The following SYNPR variants were observed in gnomAD, a reference collection of about 807,000 sequenced individuals.
The protein encoded by SYNPR is synaptoporin.
SYNPR carries 23 observed loss-of-function variants against 32.9 expected under a neutral mutation model. The observed-to-expected ratio is 0.70, with a 90% CI of 0.50 to 0.99. SYNPR has a LOEUF of 0.99. Ranked by LOEUF, SYNPR falls within the 50% of genes least tolerant of loss-of-function variation. SYNPR has a pLI of 0.00. For missense variants in SYNPR, 318 were observed against 349.3 expected (o/e 0.91, Z 0.71); for synonymous variants, 146 against 135.9 (o/e 1.07, Z -0.52).
intron 3 of SYNPR, among the ~76,000 whole-genome samples, chr3:63,495,776 C>A (rs1173425915): frequency 6.6e-6 from 1 of 151,808 alleles, no homozygotes; most frequent in Non-Finnish European, 1.5e-5. Context: ...TCAGTGGTGG[C>A]CAAAGGTTGA....
In SYNPR at chr3:63,429,867, G is replaced by A. The variant is rs79681545; in HGVS notation, c.85-50965G>A. On this transcript the variant is annotated intron_variant, in intron 2 of 5. Coordinates refer to ENST00000478300, the MANE Select transcript of SYNPR (RefSeq NM_001130003.2). ...GCTCTAAGTGTGCCTTCTTCTGACA[G>A]TTTGTTCTGTTTTACTTGGCTTCTT... Among the ~76,000 whole-genome samples the A allele has an allele frequency of 9.5e-3, 1,441 of 152,250 alleles. 20 individuals carry two copies. Among genetic ancestry groups the A allele is most frequent in the African/African-American group, 0.031 (1,308 of 41,530 alleles).
rs547649863 is a variant in SYNPR at position 63,293,214 on chromosome 3, G to A, written c.84+14472G>A. Reference sequence around the variant, plus strand: ...GTCACTTGCCTCAAGTCACATAGGTGGTAAGTGACCAAGGCAGGGTTTCAA... The same window carrying A: ...GTCACTTGCCTCAAGTCACATAGGTAGTAAGTGACCAAGGCAGGGTTTCAA... On this transcript the variant is annotated intron_variant, in intron 2 of 5. Transcript: ENST00000478300. Among the ~76,000 whole-genome samples, 15 of 152,256 alleles carry A rather than the reference G, an allele frequency of 9.9e-5. 1 individual carries two copies. Among genetic ancestry groups the A allele is most frequent in the Middle Eastern group, 3.4e-3 (1 of 292 alleles).
chr3:63,218,423 T>G, the SYNPR span, among the ~76,000 whole-genome samples: 119,713 of 152,068 alleles, frequency 0.79, 47,648 homozygotes, highest in Middle Eastern at 0.87. Flanking sequence ...TGCACCCAGT[T>G]CTCTGTATGT....
At chr3:63,481,164 C>G (rs549481159) in intron 3 of SYNPR, among the ~76,000 whole-genome samples, 2 of 146,000 alleles carry the variant, frequency 1.4e-5, no homozygotes, top group African/African-American at 2.5e-5. Flanking sequence ...CAAGACAGAA[C>G]TGACTCTCCT....
At chr3:63,338,572 A>G (rs10510895) in intron 2 of SYNPR, among the ~76,000 whole-genome samples, 32,279 of 152,168 alleles carry the variant, frequency 0.21, 3,896 homozygotes, top group South Asian at 0.39. Flanking sequence ...TTGAAATATA[A>G]GAGCCAATAG....
At chr3:63,225,694 C>G (rs539762488), upstream of SYNPR, among the ~76,000 whole-genome samples, 1 of 152,212 alleles carries the variant, frequency 6.6e-6, no homozygotes, top group African/African-American at 2.4e-5. Context: ...AACTATAAAA[C>G]TACTAGAAGA....
At chr3:63,600,299 T>C (rs1489951187) in intron 4 of SYNPR, among the ~76,000 whole-genome samples, 2 of 152,152 alleles carry the variant, frequency 1.3e-5, no homozygotes, top group African/African-American at 4.8e-5. Context: ...TCTGATCTCC[T>C]CTCTGCCCTT....
At chr3:63,235,217 G>A (rs185086869) in intron 1 of SYNPR, among the ~76,000 whole-genome samples, 1 of 152,210 alleles carries the variant, frequency 6.6e-6, no homozygotes, top group Non-Finnish European at 1.5e-5. Flanking sequence ...CATATTTCCT[G>A]TTTATAATAT....
intron 2 of SYNPR, among the ~76,000 whole-genome samples, chr3:63,359,906 C>A (rs1324075636): frequency 1.3e-5 from 2 of 152,078 alleles, no homozygotes; most frequent in Non-Finnish European, 2.9e-5. Context: ...GGGTAGCTTG[C>A]AGGTTCAATA....
the SYNPR span, among the ~76,000 whole-genome samples, chr3:63,211,202 G>A: frequency 2.8e-4 from 42 of 152,134 alleles, no homozygotes; most frequent in South Asian, 7.7e-3. Context: ...TGAGTAGCAG[G>A]GATTACAGGC....
chr3:63,382,720 G>A (rs1450444510), intron 2 of SYNPR, among the ~76,000 whole-genome samples: 1 of 152,108 alleles, frequency 6.6e-6, no homozygotes, highest in Admixed American at 6.6e-5. Context: ...CGTCTTATGT[G>A]TGTTTTATAT....
Position 63,492,083 on chromosome 3 carries a change from T to A in SYNPR, c.209+11127T>A, listed in dbSNP as rs193210761. ...AACCAAGGAAGAGATGCAGCTACTA[T>A]GAAAGATGTTCACCAAAGCAACAAG... On this transcript the variant is annotated intron_variant, in intron 3 of 5. Coordinates refer to ENST00000478300, the MANE Select transcript of SYNPR (RefSeq NM_001130003.2). Among the ~76,000 whole-genome samples, 82 of 152,224 alleles carry A rather than the reference T, an allele frequency of 5.4e-4. 1 individual carries two copies. Among genetic ancestry groups the A allele is most frequent in the African/African-American group, 1.8e-3 (75 of 41,544 alleles).
chr3:63,247,264 TG>T (rs1289998813), intron 1 of SYNPR, among the ~76,000 whole-genome samples: 2 of 151,972 alleles, frequency 1.3e-5, no homozygotes, highest in African/African-American at 2.4e-5. Context: ...ACATAAGAAA[TG>T]TTTTTTTTTT....
intron 4 of SYNPR, among the ~76,000 whole-genome samples, chr3:63,601,043 T>G (rs1019504251): frequency 6.6e-6 from 1 of 152,004 alleles, no homozygotes; most frequent in Admixed American, 6.6e-5. Flanking sequence ...GAGGCCGAGG[T>G]GGGCAGATCA....
At chr3:63,346,534 T>C (rs2087439016) in intron 2 of SYNPR, among the ~76,000 whole-genome samples, 1 of 152,096 alleles carries the variant, frequency 6.6e-6, no homozygotes, top group Non-Finnish European at 1.5e-5. Flanking sequence ...TGCAGTGGCG[T>C]GGTCTCGGCT....
At chr3:63,428,686 AG>A (rs1699933244) in intron 2 of SYNPR, among the ~76,000 whole-genome samples, 1 of 152,224 alleles carries the variant, frequency 6.6e-6, no homozygotes, top group South Asian at 2.1e-4. Context: ...TGACATGTCT[AG>A]TGGTCAACTG....
chr3:63,274,818 T>C (rs2086561217), upstream of SYNPR, among the ~76,000 whole-genome samples: 1 of 152,196 alleles, frequency 6.6e-6, no homozygotes. Flanking sequence ...AAGCCAGTAG[T>C]GTCATCTCCA....
chr3:63,270,855 C>T (rs1196992684), intron 3 of SYNPR, among the ~76,000 whole-genome samples: 2 of 82,202 alleles, frequency 2.4e-5, no homozygotes, highest in Non-Finnish European at 5.3e-5. Flanking sequence ...AAATTCTCTC[C>T]CTTCTTTCCT....
intron 2 of SYNPR, among the ~76,000 whole-genome samples, chr3:63,373,533 A>C (rs1303479563): frequency 6.6e-6 from 1 of 152,178 alleles, no homozygotes; most frequent in Non-Finnish European, 1.5e-5. Context: ...AAATAAAGAA[A>C]AAATAATTTT....
Sources: allele counts gnomAD v4.1 joint callset (sites outside exome capture counted in the v4.1 genomes callset), GRCh38; gene constraint gnomAD v4.1.1; transcripts MANE v1.5; gene names NCBI Gene and HGNC (gene_info 2026-07-23, HGNC 2026-07-21).